The following SLCO3A1 variants were observed in gnomAD, a reference collection of about 807,000 sequenced individuals.
SLCO3A1 encodes solute carrier organic anion transporter family member 3A1.
In SLCO3A1, 27 loss-of-function variants were observed where a neutral mutation model predicts 63.1. The ratio of observed to expected loss-of-function variants is 0.43; its 90% CI spans 0.32 to 0.59. The LOEUF (loss-of-function observed/expected upper bound fraction) is 0.59. Among genes scored for constraint, SLCO3A1 ranks in the 20% least tolerant of loss-of-function variants. SLCO3A1 has a pLI of 0.09. For synonymous variants in SLCO3A1, 473 were observed against 409.9 expected (o/e 1.15, Z -1.86); for missense variants, 773 against 945.8 (o/e 0.82, Z 2.40).
chr15:92,157,623 T>A (rs1025599189), intron 9 of SLCO3A1, among the ~76,000 whole-genome samples: 2 of 152,030 alleles, frequency 1.3e-5, no homozygotes, highest in Non-Finnish European at 2.9e-5. Context: ...CCCGGGTACA[T>A]GTACAGAATT....
chr15:92,125,124 A>AT (rs1252912947), intron 5 of SLCO3A1, among the ~76,000 whole-genome samples: 1 of 152,158 alleles, frequency 6.6e-6, no homozygotes, highest in African/African-American at 2.4e-5. Flanking sequence ...TCACCCCAAT[A>AT]TTAAAATTAA....
At chr15:91,887,104 C>T (rs745934625) in intron 1 of SLCO3A1, among the ~76,000 whole-genome samples, 3 of 152,194 alleles carry the variant, frequency 2.0e-5, no homozygotes, top group Non-Finnish European at 2.9e-5. Flanking sequence ...GTCATTATCA[C>T]TGTCAAGTGT....
rs1436839686 is a variant in SLCO3A1 at position 91,942,831 on chromosome 15, C to A, written c.646+26373C>A. The stretch of plus-strand genomic sequence containing the variant: ...GTCACTGATCACTCCTCCCAAGGAG[C>A]TGGAATTACAGGCATGAGCCACCAC... On this transcript the variant is annotated intron_variant, in intron 2 of 9. Transcript: ENST00000318445. This position sits in a 1 kb window ranked among gnomAD's most constrained non-coding sequence, Gnocchi z 4.1. Among the ~76,000 whole-genome samples, 1 of 152,180 alleles carries A rather than the reference C, an allele frequency of 6.6e-6. No homozygotes were observed. Among genetic ancestry groups the A allele is most frequent in the Non-Finnish European group, 1.5e-5 (1 of 68,026 alleles).
intron 1 of SLCO3A1, among the ~76,000 whole-genome samples, chr15:91,892,849 A>G (rs1484217289): frequency 6.6e-6 from 1 of 152,226 alleles, no homozygotes; most frequent in Non-Finnish European, 1.5e-5. Context: ...TGGGGATAAT[A>G]ATAGTATTCC....
At chr15:92,066,605 C>A (rs1213030940) in intron 2 of SLCO3A1, among the ~76,000 whole-genome samples, 1 of 150,738 alleles carries the variant, frequency 6.6e-6, no homozygotes, top group African/African-American at 2.4e-5. Flanking sequence ...TGGATCTGGA[C>A]AGGTTGCTTA....
intron 2 of SLCO3A1, among the ~76,000 whole-genome samples, chr15:91,987,106 T>G (rs1444060330): frequency 1.3e-5 from 2 of 152,132 alleles, no homozygotes; most frequent in African/African-American, 4.8e-5. Context: ...CGCTTACAGA[T>G]TTGACATTTT....
At chr15:92,132,694 G>T (rs1470051156) in intron 7 of SLCO3A1, among the ~76,000 whole-genome samples, 1 of 144,912 alleles carries the variant, frequency 6.9e-6, no homozygotes, top group African/African-American at 2.5e-5. Flanking sequence ...CAGTTTGTAG[G>T]GTACTGATGA....
Position 92,047,060 on chromosome 15 carries a change from A to AAT in SLCO3A1, c.647-47813_647-47812dup, listed in dbSNP as rs1407605098. Among the ~76,000 whole-genome samples, 40 of 17,326 alleles carry AAT rather than the reference A, an allele frequency of 2.3e-3. 1 individual carries two copies. Among genetic ancestry groups the AAT allele is most frequent in the African/African-American group, 1.0e-2 (35 of 3,502 alleles). 11.4% of individuals were successfully genotyped at this position (17,326 alleles called of 152,430 possible). A position where few individuals can be genotyped will look rare whatever the true frequency, so the allele number is the denominator to read the frequency against. ...TATATAAATATATATATAATATATA[A>AAT]ATATATATACAAATATATATAATAT... On this transcript the variant is annotated intron_variant, in intron 2 of 9. Coordinates refer to ENST00000318445, the MANE Select transcript of SLCO3A1 (RefSeq NM_013272.4).
intron 2 of SLCO3A1, among the ~76,000 whole-genome samples, chr15:92,081,009 C>T (rs2047339035): frequency 6.8e-6 from 1 of 146,618 alleles, no homozygotes; most frequent in South Asian, 2.2e-4. Context: ...GATTTTTTGA[C>T]ACAGGCCTAC....
chr15:92,104,071 A>G (rs1044200456), intron 3 of SLCO3A1, among the ~76,000 whole-genome samples: 4 of 152,176 alleles, frequency 2.6e-5, no homozygotes, highest in Non-Finnish European at 5.9e-5. Context: ...AAGAAAATTA[A>G]GGGGGGAATG....
At chr15:92,079,485 C>T (rs190375233) in intron 2 of SLCO3A1, among the ~76,000 whole-genome samples, 1 of 152,338 alleles carries the variant, frequency 6.6e-6, no homozygotes, top group East Asian at 1.9e-4. Flanking sequence ...TGCCCTCACA[C>T]GGTCTGTCCT....
At chr15:92,052,508 G>A (rs1418465510) in intron 2 of SLCO3A1, among the ~76,000 whole-genome samples, 1 of 152,154 alleles carries the variant, frequency 6.6e-6, no homozygotes, top group Non-Finnish European at 1.5e-5. Context: ...TTTCTCAGCA[G>A]TTTCCAGCAA....
Position 91,968,218 on chromosome 15 carries a change from G to T in SLCO3A1, c.646+51760G>T, listed in dbSNP as rs1312554041. Reference sequence around the variant, plus strand: ...GAGTTTCAGTGCCGGATCAGAGACTGGAAAAGTCTGTATGCCCCCTCCCTA... The same window carrying T: ...GAGTTTCAGTGCCGGATCAGAGACTTGAAAAGTCTGTATGCCCCCTCCCTA... On this transcript the variant is annotated intron_variant, in intron 2 of 9. Transcript: ENST00000318445. This position sits in a 1 kb window ranked among gnomAD's most constrained non-coding sequence, Gnocchi z 4.2. Among the ~76,000 whole-genome samples, 1 of 152,026 alleles carries T rather than the reference G, an allele frequency of 6.6e-6. No homozygotes were observed. The highest frequency in any genetic ancestry group is 1.5e-5 in the Non-Finnish European group (1 of 68,006).
At chr15:92,054,185 C>T (rs1395826145) in intron 2 of SLCO3A1, among the ~76,000 whole-genome samples, 3 of 152,170 alleles carry the variant, frequency 2.0e-5, no homozygotes, top group African/African-American at 7.2e-5. Context: ...CGTACCCCAT[C>T]GATGTTCATT....
At chr15:91,975,104 G>A (rs1317560904) in intron 2 of SLCO3A1, among the ~76,000 whole-genome samples, 2 of 152,206 alleles carry the variant, frequency 1.3e-5, no homozygotes, top group African/African-American at 2.4e-5. Context: ...CTGGAATGGT[G>A]CCTAGAATAT....
chr15:92,113,994 C>G (rs991978085), intron 4 of SLCO3A1, among the ~76,000 whole-genome samples: 16 of 152,176 alleles, frequency 1.1e-4, no homozygotes, highest in African/African-American at 3.4e-4. Context: ...GTTTTCAAAG[C>G]CTCCTAGATG....
At chr15:92,038,089 G>A (rs1788799779) in intron 2 of SLCO3A1, among the ~76,000 whole-genome samples, 1 of 152,208 alleles carries the variant, frequency 6.6e-6, no homozygotes, top group Non-Finnish European at 1.5e-5. Context: ...TACTGGAGCT[G>A]AAAGACATGT....
Position 91,941,606 on chromosome 15 carries a change from G to A in SLCO3A1, c.646+25148G>A, listed in dbSNP as rs1337421894. The stretch of plus-strand genomic sequence containing the variant: ...GTAATCTTTTCTCTTCCTTCGTCTT[G>A]GAGGTTTTGAAGCTTCTAATCTCCC... On this transcript the variant is annotated intron_variant, in intron 2 of 9. Coordinates refer to ENST00000318445, the MANE Select transcript of SLCO3A1 (RefSeq NM_013272.4). This position sits in a 1 kb window ranked among gnomAD's most constrained non-coding sequence, Gnocchi z 4.4. The A allele has an allele frequency of 2.2e-6, 1 of 455,496 alleles. No homozygotes were observed. Among genetic ancestry groups the A allele is most frequent in the East Asian group, 7.0e-5 (1 of 14,374 alleles). The allele number at this position is 455,496 out of a possible 1,614,324, so 28.2% of individuals were successfully genotyped here.
chr15:91,972,538 G>A (rs1234361102), intron 2 of SLCO3A1, among the ~76,000 whole-genome samples: 1 of 152,200 alleles, frequency 6.6e-6, no homozygotes, highest in Non-Finnish European at 1.5e-5. Context: ...CTAGACTCCA[G>A]AACTGTGAGA....
Sources: allele counts gnomAD v4.1 joint callset (sites outside exome capture counted in the v4.1 genomes callset), GRCh38; gene constraint gnomAD v4.1.1; non-coding constraint Gnocchi (gnomAD v3.1); transcripts MANE v1.5; gene names NCBI Gene and HGNC (gene_info 2026-07-23, HGNC 2026-07-21).